EPC2: variants seen among roughly 807,000 people sequenced by gnomAD.
EPC2 encodes enhancer of polycomb 2, also known as enhancer of polycomb homolog 2.
A neutral mutation model predicts 92.1 loss-of-function variants in EPC2; 14 were observed. The ratio of observed to expected loss-of-function variants is 0.15; its 90% CI spans 0.10 to 0.24. The LOEUF (loss-of-function observed/expected upper bound fraction) is 0.24, where lower values mean the gene tolerates loss of function less well. EPC2 is among the 10% of genes least tolerant of loss of function. The pLI is 1.00. For missense variants in EPC2, 755 were observed against 971.5 expected, an observed-to-expected ratio of 0.78 and a Z score of 2.96; for synonymous variants, 340 against 334.7, an observed-to-expected ratio of 1.02 and a Z score of -0.17.
At chr2:148,741,982 A>G (rs1381361688) in intron 2 of EPC2, among the ~76,000 whole-genome samples, 1 of 152,178 alleles carries the variant, frequency 6.6e-6, no homozygotes, top group Non-Finnish European at 1.5e-5. Flanking sequence ...TTAGTGCGCT[A>G]TATATACTAT....
chr2:148,658,127 G>A (rs1041288176), intron 1 of EPC2, among the ~76,000 whole-genome samples: 1 of 152,090 alleles, frequency 6.6e-6, no homozygotes, highest in African/African-American at 2.4e-5. Flanking sequence ...TTTGTTTTAT[G>A]TATGTTTCTG....
chr2:148,713,383 A>G (rs192709870), intron 2 of EPC2, among the ~76,000 whole-genome samples: 1 of 152,352 alleles, frequency 6.6e-6, no homozygotes, highest in East Asian at 1.9e-4. Context: ...CTTATAGAAT[A>G]AGAATTTACA....
chr2:148,730,316 C>CT (rs1176109271), intron 2 of EPC2, among the ~76,000 whole-genome samples: 3 of 152,162 alleles, frequency 2.0e-5, no homozygotes, highest in African/African-American at 7.2e-5. Flanking sequence ...TGCTTCTGAA[C>CT]TTTTAGATAC....
chr2:148,739,827 CTTCTTCTTTTTTTTTTTT>C, intron 2 of EPC2, among the ~76,000 whole-genome samples: 1 of 85,398 alleles, frequency 1.2e-5, no homozygotes. Flanking sequence ...TTCTTTTCTT[CTTCTTCTTTTTTTTTTTT>C]TTTTTTTTTT....
chr2:148,754,498 T>A (rs564851956), intron 4 of EPC2, among the ~76,000 whole-genome samples: 1 of 152,320 alleles, frequency 6.6e-6, no homozygotes, highest in South Asian at 2.1e-4. Context: ...AACTAAATAT[T>A]CTATCACAGA....
At chr2:148,691,388 A>G (rs1159259320) in intron 2 of EPC2, among the ~76,000 whole-genome samples, 2 of 152,222 alleles carry the variant, frequency 1.3e-5, no homozygotes, top group African/African-American at 4.8e-5. Flanking sequence ...CTGTCTGACA[A>G]CCTACCTGTA....
chr2:148,748,132 T>A (rs1683020898), intron 3 of EPC2, among the ~76,000 whole-genome samples: 1 of 152,180 alleles, frequency 6.6e-6, no homozygotes, highest in Non-Finnish European at 1.5e-5. Flanking sequence ...CACAAGATTG[T>A]TTCACAAACT....
intron 10 of EPC2, among the ~76,000 whole-genome samples, chr2:148,780,879 A>C (rs1421017974): frequency 6.6e-6 from 1 of 152,186 alleles, no homozygotes; most frequent in Non-Finnish European, 1.5e-5. Context: ...AATATCAACG[A>C]ATGAAATTTT....
At chr2:148,648,524 A>T (rs909467517) in intron 1 of EPC2, among the ~76,000 whole-genome samples, 2 of 152,164 alleles carry the variant, frequency 1.3e-5, no homozygotes, top group Non-Finnish European at 2.9e-5. Flanking sequence ...GGCTTGTAAC[A>T]AACAAACCAA....
At position 148,696,063 on chromosome 2, in the gene EPC2, G is replaced by A. The variant is rs531862121; in HGVS notation, c.313+5690G>A. On this transcript the variant is annotated intron_variant, in intron 2 of 13. Transcript: ENST00000258484. ...CCGTGTCCTATTCTTGGGCAAAGCT[G>A]TGAGTGTGGACATGGGCTGAAATGG... Among the ~76,000 whole-genome samples the A allele has an allele frequency of 3.6e-4, 55 of 152,354 alleles. 1 individual carries two copies. In the South Asian group the frequency reaches 0.011, roughly 30 times the overall value.
At chr2:148,712,903 T>C (rs1297116387) in intron 2 of EPC2, among the ~76,000 whole-genome samples, 1 of 151,176 alleles carries the variant, frequency 6.6e-6, no homozygotes, top group Admixed American at 6.6e-5. Flanking sequence ...AGCAAAAGTA[T>C]AGCATGCTAG....
At chr2:148,699,371 A>G (rs1268512104) in intron 2 of EPC2, among the ~76,000 whole-genome samples, 1 of 152,184 alleles carries the variant, frequency 6.6e-6, no homozygotes, top group Non-Finnish European at 1.5e-5. Flanking sequence ...AATGCGTAAC[A>G]TGGATCCATG....
chr2:148,650,853 T>C (rs1369834929), intron 1 of EPC2, among the ~76,000 whole-genome samples: 1 of 152,200 alleles, frequency 6.6e-6, no homozygotes, highest in Non-Finnish European at 1.5e-5. Context: ...CCAGTTGTTA[T>C]CTAAATAAGA....
rs1294762237 is a variant in EPC2 at position 148,780,450 on chromosome 2, G to A, written c.1721-1194G>A. Among the ~76,000 whole-genome samples, 4 of 152,080 alleles carry A rather than the reference G, an allele frequency of 2.6e-5. No homozygotes were observed. In the South Asian group the frequency reaches 6.2e-4, roughly 24 times the overall value. On this transcript the variant is annotated intron_variant, in intron 10 of 13. Coordinates refer to ENST00000258484, the MANE Select transcript of EPC2 (RefSeq NM_015630.4). ...TATTCATGTGTGATCCTATTCAACAGAAAACTTGGGAGAGTTAAGTAAGGT... is the reference window on the plus strand; with the variant it reads ...TATTCATGTGTGATCCTATTCAACAAAAAACTTGGGAGAGTTAAGTAAGGT...
At chr2:148,744,964 T>C (rs1442405459) in intron 3 of EPC2, among the ~76,000 whole-genome samples, 2 of 145,788 alleles carry the variant, frequency 1.4e-5, no homozygotes, top group African/African-American at 5.0e-5. Flanking sequence ...CAAGTGACTT[T>C]GCTGCATATT....
intron 1 of EPC2, among the ~76,000 whole-genome samples, chr2:148,675,780 A>G (rs1681251513): frequency 6.6e-6 from 1 of 152,168 alleles, no homozygotes; most frequent in Non-Finnish European, 1.5e-5. Context: ...TACGTTTTTT[A>G]GTCCATTACT....
At chr2:148,760,528 A>G (rs1231097475) in intron 4 of EPC2, among the ~76,000 whole-genome samples, 2 of 152,184 alleles carry the variant, frequency 1.3e-5, no homozygotes, top group African/African-American at 2.4e-5. Flanking sequence ...TAGGCACTTT[A>G]ATAGTTGCTG....
chr2:148,786,930 G>A lies in EPC2; in HGVS notation c.*553G>A, dbSNP rs551273391. 6.5e-6 allele frequency: 1 copy of A among 152,992 alleles called. No homozygotes were observed. Among genetic ancestry groups the A allele is most frequent in the African/African-American group, 2.4e-5 (1 of 41,566 alleles). 9.5% of individuals were successfully genotyped at this position (152,992 alleles called of 1,614,324 possible). On this transcript the variant is annotated 3_prime_UTR_variant, in exon 14 of 14. Transcript: ENST00000258484. ...TTAGTGGCATTTCACTGTCAAATAT[G>A]AAGTTCAAGGCAAAATAGTATTTTC...
chr2:148,709,783 T>G (rs1433858385), intron 2 of EPC2, among the ~76,000 whole-genome samples: 4 of 152,226 alleles, frequency 2.6e-5, no homozygotes, highest in African/African-American at 9.6e-5. Context: ...CTGGGAAAAC[T>G]GGCCAGCCAT....
Sources: gnomAD v4.1 joint callset for allele counts (sites outside exome capture counted in the v4.1 genomes callset) on GRCh38, gnomAD v4.1.1 for gene constraint, MANE v1.5 for transcripts, NCBI Gene and HGNC (gene_info 2026-07-23, HGNC 2026-07-21) for gene names.